CRACD: variants seen among roughly 807,000 people sequenced by gnomAD.
CRACD encodes the protein capping protein inhibiting regulator of actin dynamics.
In CRACD, 56 loss-of-function variants were observed where a neutral mutation model predicts 106.8. The ratio of observed to expected loss-of-function variants is 0.52; its 90% CI spans 0.42 to 0.66. The LOEUF is 0.66. Ranked by LOEUF, CRACD falls within the 30% of genes least tolerant of loss-of-function variation. The pLI is 0.00. For synonymous variants in CRACD, 754 were observed against 670.8 expected (o/e 1.12, Z -1.92); for missense variants, 1,730 against 1,623.2 (o/e 1.07, Z -1.13).
chr4:56,323,703 C>G (rs1746251787), intron 9 of CRACD, 136 bp downstream of exon 9: 3 of 829,438 alleles, frequency 3.6e-6, no homozygotes, highest in Non-Finnish European at 5.4e-6. Context: ...ATAAACTGAC[C>G]ACCATTAAAC....
At chr4:56,224,607 T>C (rs1472568973) in intron 2 of CRACD, among the ~76,000 whole-genome samples, 1 of 152,166 alleles carries the variant, frequency 6.6e-6, no homozygotes, top group Non-Finnish European at 1.5e-5. Context: ...CAAAAAACAA[T>C]AGATGTTGGC....
rs1389188289 is a variant in CRACD, at chr4:56,254,341, TC to T, written c.-188-17978del. ...CAGGACTGTCCCACCCAGTCTGGAA[TC>T]CTGAGACAGACTATAGAATTTCATT... On this transcript the variant is annotated intron_variant, in intron 2 of 10. Coordinates refer to ENST00000682029, the MANE Select transcript of CRACD (RefSeq NM_001393381.1). Among the ~76,000 whole-genome samples the T allele has an allele frequency of 2.0e-5, 3 of 151,670 alleles. No homozygotes were observed. In the East Asian group the frequency reaches 5.8e-4, roughly 29 times the overall value.
At chr4:56,272,720 G>A (rs530785264) in intron 3 of CRACD, among the ~76,000 whole-genome samples, 100 of 152,036 alleles carry the variant, frequency 6.6e-4, no homozygotes, top group African/African-American at 2.3e-3. Context: ...GGGAAACCCC[G>A]TTTCTACTAA....
chr4:56,236,432 T>C (rs1739973171), intron 2 of CRACD, among the ~76,000 whole-genome samples: 1 of 152,188 alleles, frequency 6.6e-6, no homozygotes, highest in Non-Finnish European at 1.5e-5. Flanking sequence ...TGTGGCAGCC[T>C]GAGCAAACAC....
chr4:56,262,366 C>T (rs757578716), intron 2 of CRACD, among the ~76,000 whole-genome samples: 13 of 152,198 alleles, frequency 8.5e-5, no homozygotes, highest in African/African-American at 1.9e-4. Flanking sequence ...CTACACACTT[C>T]GGTTCAGCTG....
intron 10 of CRACD, among the ~76,000 whole-genome samples, chr4:56,325,616 T>G (rs1248540921): frequency 6.6e-6 from 1 of 152,244 alleles, no homozygotes; most frequent in Non-Finnish European, 1.5e-5. Flanking sequence ...ATGTACACAT[T>G]TAGAAAATAT....
chr4:56,237,721 TAC>T (rs36207795), intron 2 of CRACD, among the ~76,000 whole-genome samples: 34,572 of 144,052 alleles, frequency 0.24, 4,072 homozygotes, highest in Middle Eastern at 0.3. Flanking sequence ...AGATATTACA[TAC>T]ACACACACAC....
At chr4:56,079,603 G>A (rs149245401) in intron 1 of CRACD, among the ~76,000 whole-genome samples, 2 of 151,914 alleles carry the variant, frequency 1.3e-5, no homozygotes, top group East Asian at 1.9e-4. Flanking sequence ...GTGCCATCAT[G>A]CCCGTCTAAT....
chr4:56,067,459 C>A (rs765162295), intron 1 of CRACD, among the ~76,000 whole-genome samples: 4 of 152,266 alleles, frequency 2.6e-5, no homozygotes, highest in South Asian at 2.1e-4. Flanking sequence ...AAATCTAATT[C>A]TTTGCCTGGG....
chr4:56,239,781 C>T (rs1027289829), intron 2 of CRACD, among the ~76,000 whole-genome samples: 10 of 152,234 alleles, frequency 6.6e-5, no homozygotes, highest in African/African-American at 2.2e-4. Context: ...CTGGGACCCC[C>T]GCTCCCACCC....
chr4:56,260,887 A>G (rs954007329), intron 2 of CRACD, among the ~76,000 whole-genome samples: 1 of 36,506 alleles, frequency 2.7e-5, no homozygotes, highest in South Asian at 1.3e-3. Flanking sequence ...CTGTGTATCC[A>G]TCCATCCATC....
intron 2 of CRACD, among the ~76,000 whole-genome samples, chr4:56,240,364 AT>A (rs1231325117): frequency 3.3e-5 from 5 of 152,130 alleles, no homozygotes; most frequent in Admixed American, 6.5e-5. Flanking sequence ...GGAGGAACAA[AT>A]TACACAAAAC....
At position 56,329,536 on chromosome 4, in the gene CRACD, T is replaced by C. The variant is rs1746674105; in HGVS notation, c.*1732T>C. Among the ~76,000 whole-genome samples the C allele has an allele frequency of 6.6e-6, 1 of 152,182 alleles. No individual in the cohort carries two copies. The highest frequency in any genetic ancestry group is 1.5e-5 in the Non-Finnish European group (1 of 68,028). On this transcript the variant is annotated 3_prime_UTR_variant, in exon 11 of 11. Transcript: ENST00000682029. ...AAGTGGATAGTTGTACTCTTGCAAGTTGGATTTAATATCATATATACTGGA... is the reference window on the plus strand; with the variant it reads ...AAGTGGATAGTTGTACTCTTGCAAGCTGGATTTAATATCATATATACTGGA...
intron 1 of CRACD, among the ~76,000 whole-genome samples, chr4:56,116,411 C>G (rs1351722118): frequency 1.3e-5 from 2 of 152,196 alleles, no homozygotes; most frequent in Non-Finnish European, 2.9e-5. Context: ...TTTACAAGGT[C>G]AGAGTAAGTA....
At chr4:56,072,974 A>G (rs1183534218) in intron 1 of CRACD, among the ~76,000 whole-genome samples, 1 of 152,136 alleles carries the variant, frequency 6.6e-6, no homozygotes, top group South Asian at 2.1e-4. Context: ...CATGTTGTGT[A>G]TGTGCCACAT....
At chr4:56,060,647 C>T (rs1026901680) in intron 1 of CRACD, among the ~76,000 whole-genome samples, 2 of 152,050 alleles carry the variant, frequency 1.3e-5, no homozygotes, top group African/African-American at 4.8e-5. Flanking sequence ...ATGGAAAAGA[C>T]TAAAGGGTGC....
intron 4 of CRACD, among the ~76,000 whole-genome samples, chr4:56,299,486 A>T (rs926884535): frequency 2.0e-5 from 3 of 152,004 alleles, no homozygotes; most frequent in Admixed American, 6.6e-5. Context: ...CCTGGGCAAC[A>T]TGGTGAAACC....
intron 1 of CRACD, among the ~76,000 whole-genome samples, chr4:56,170,040 G>GAACAAC (rs199946852): frequency 1.3e-5 from 2 of 151,866 alleles, no homozygotes; most frequent in African/African-American, 4.8e-5. Flanking sequence ...CTGAGTAGCA[G>GAACAAC]AACAACAACA....
chr4:56,256,169 G>A (rs1741344891), intron 2 of CRACD, among the ~76,000 whole-genome samples: 1 of 152,200 alleles, frequency 6.6e-6, no homozygotes, highest in South Asian at 2.1e-4. Flanking sequence ...ATTCCGACAT[G>A]TTGTGGGAGG....
Sources: gnomAD v4.1 joint callset for allele counts (sites outside exome capture counted in the v4.1 genomes callset) on GRCh38, gnomAD v4.1.1 for gene constraint, MANE v1.5 for transcripts, NCBI Gene and HGNC (gene_info 2026-07-23, HGNC 2026-07-21) for gene names.